ENPP6: variants seen among roughly 807,000 people sequenced by gnomAD.
ENPP6 encodes ectonucleotide pyrophosphatase/phosphodiesterase 6.
Under a neutral mutation model 42.0 loss-of-function variants are expected in ENPP6, and 32 were observed. That is an observed-to-expected ratio of 0.76 (90% confidence interval 0.58 to 1.02). ENPP6 has a LOEUF of 1.02. Ranked by LOEUF, ENPP6 falls within the 50% of genes least tolerant of loss-of-function variation. The pLI is 0.00. For missense variants in ENPP6, 552 were observed against 566.8 expected (o/e 0.97, Z 0.27); for synonymous variants, 213 against 216.0 (o/e 0.99, Z 0.12).
At position 184,217,638 on chromosome 4, in the gene ENPP6, T is replaced by C. The variant is rs776393959; in HGVS notation, c.182A>G (p.Asp61Gly). The C allele has an allele frequency of 6.2e-7, 1 of 1,614,178 alleles. No individual in the cohort carries two copies. Among genetic ancestry groups the C allele is most frequent in the Non-Finnish European group, 8.5e-7 (1 of 1,180,030 alleles). Residue 61 changes from aspartate to glycine, a missense_variant, in exon 1 of 8, where the codon GAT (aspartate) becomes GGT (glycine). Physicochemically the swap from Asp to Gly is moderately conservative, Grantham distance 94. Coordinates refer to ENST00000296741, the MANE Select transcript of ENPP6 (RefSeq NM_153343.4). ...ACTAGGGAAGTCTGGAGTCAAGTAA[T>C]CCACTTTTACTCCCCTGCTCACAAT... ...KEIVSRGVKV[D>G]YLTPDFPSLS...
chr4:184,107,667 G>A (rs1221942898), intron 6 of ENPP6, among the ~76,000 whole-genome samples: 1 of 152,202 alleles, frequency 6.6e-6, no homozygotes, highest in Non-Finnish European at 1.5e-5. Flanking sequence ...TGTAATCCCA[G>A]CACTTTGGGA....
At chr4:184,180,504 T>C (rs1351847724) in intron 1 of ENPP6, among the ~76,000 whole-genome samples, 1 of 152,178 alleles carries the variant, frequency 6.6e-6, no homozygotes, top group Non-Finnish European at 1.5e-5. Flanking sequence ...CCCTAACTCA[T>C]TTTATGAGGC....
chr4:184,207,749 C>G (rs911931975), intron 1 of ENPP6, among the ~76,000 whole-genome samples: 2 of 152,204 alleles, frequency 1.3e-5, no homozygotes, highest in Non-Finnish European at 2.9e-5. Flanking sequence ...GGCCCTACTC[C>G]CTATTCTCTG....
chr4:184,132,828 CACACACATATATAT>C (rs936274804), intron 2 of ENPP6, among the ~76,000 whole-genome samples: 88 of 14,666 alleles, frequency 6.0e-3, no homozygotes, highest in African/African-American at 0.013. Flanking sequence ...TACACACACA[CACACACATATATAT>C]ATATATATAT....
chr4:184,182,831 G>A (rs1461503486), intron 1 of ENPP6, among the ~76,000 whole-genome samples: 1 of 152,152 alleles, frequency 6.6e-6, no homozygotes, highest in African/African-American at 2.4e-5. Context: ...CACAGGGAGG[G>A]GAACAACACA....
chr4:184,118,003 C>A (rs1378743582), intron 3 of ENPP6, 103 bp from the exon 4 acceptor site: 3 of 1,428,524 alleles, frequency 2.1e-6, no homozygotes, highest in East Asian at 2.5e-5. Context: ...CCCCCCGAAA[C>A]CTTGTCCCTG....
chr4:184,177,193 G>C (rs1017876428), intron 1 of ENPP6, among the ~76,000 whole-genome samples: 1 of 152,196 alleles, frequency 6.6e-6, no homozygotes, highest in African/African-American at 2.4e-5. Flanking sequence ...GGGAAACTGG[G>C]TGGTTTGGAC....
At chr4:184,123,589 G>C (rs528964241) in intron 3 of ENPP6, among the ~76,000 whole-genome samples, 1 of 152,224 alleles carries the variant, frequency 6.6e-6, no homozygotes, top group East Asian at 1.9e-4. Flanking sequence ...CTGACTTCAG[G>C]CTTTGTCCTG....
At chr4:184,093,571 G>A (rs1396120910) in intron 7 of ENPP6, among the ~76,000 whole-genome samples, 4 of 151,264 alleles carry the variant, frequency 2.6e-5, no homozygotes, top group East Asian at 1.9e-4. Context: ...TCCAGGAGGC[G>A]GAGGTTGCAG....
At chr4:184,107,416 G>A (rs1170309466) in intron 6 of ENPP6, among the ~76,000 whole-genome samples, 3 of 152,208 alleles carry the variant, frequency 2.0e-5, no homozygotes, top group Admixed American at 6.5e-5. Flanking sequence ...GACTGACAGC[G>A]GTTGGAAATC....
At chr4:184,116,148 G>A (rs562439779) in intron 5 of ENPP6, among the ~76,000 whole-genome samples, 7 of 152,236 alleles carry the variant, frequency 4.6e-5, no homozygotes, top group South Asian at 4.1e-4. Context: ...GCATGAACCC[G>A]GGAGGCAAAG....
chr4:184,131,156 T>TC (rs1736607762), intron 2 of ENPP6, among the ~76,000 whole-genome samples: 2 of 51,350 alleles, frequency 3.9e-5, no homozygotes, highest in South Asian at 1.5e-3. Context: ...TTTCTTTCTT[T>TC]CTTTCTTTCT....
intron 2 of ENPP6, among the ~76,000 whole-genome samples, chr4:184,147,800 C>CAAA (rs5864876): frequency 2.1e-5 from 3 of 143,870 alleles, no homozygotes; most frequent in Admixed American, 6.9e-5. Flanking sequence ...GACCCTGTTT[C>CAAA]AAAAAAAAAA....
chr4:184,095,754 T>C (rs745532204), intron 7 of ENPP6, among the ~76,000 whole-genome samples: 3 of 151,972 alleles, frequency 2.0e-5, no homozygotes, highest in Non-Finnish European at 4.4e-5. Flanking sequence ...GCATTCATGA[T>C]CCTATTTCCC....
intron 2 of ENPP6, among the ~76,000 whole-genome samples, chr4:184,131,260 C>CTCTTTCTTTCT (rs1560987499): frequency 0.052 from 387 of 7,462 alleles, 20 homozygotes; most frequent in Middle Eastern, 0.062. Context: ...TTCTCTTTCT[C>CTCTTTCTTTCT]TTCCTTCCTT....
chr4:184,097,170 T>G, intron 7 of ENPP6, 75 bp downstream of exon 7: 1 of 1,591,904 alleles, frequency 6.3e-7, no homozygotes, highest in South Asian at 1.1e-5. Flanking sequence ...CAGCCTCTCC[T>G]GGCACCCGTA....
chr4:184,208,295 G>T (rs920297713), intron 1 of ENPP6, among the ~76,000 whole-genome samples: 6 of 152,202 alleles, frequency 3.9e-5, no homozygotes, highest in Non-Finnish European at 8.8e-5. Flanking sequence ...CGATGCAGAA[G>T]ATGGGTGATT....
intron 6 of ENPP6, 111 bp downstream of exon 6, chr4:184,112,561 G>A (rs1269769134): frequency 3.0e-6 from 4 of 1,314,160 alleles, no homozygotes; most frequent in Non-Finnish European, 4.1e-6. Flanking sequence ...AACAAACGAT[G>A]CCTAAGTGAA....
intron 6 of ENPP6, among the ~76,000 whole-genome samples, chr4:184,101,639 T>C (rs1477164105): frequency 6.6e-6 from 1 of 152,028 alleles, no homozygotes; most frequent in Non-Finnish European, 1.5e-5. Flanking sequence ...CTGAGAGGGT[T>C]TCAGGGATGC....
Sources: gnomAD v4.1 joint callset for allele counts (sites outside exome capture counted in the v4.1 genomes callset) on GRCh38, gnomAD v4.1.1 for gene constraint, MANE v1.5 for transcripts, NCBI Gene and HGNC (gene_info 2026-07-23, HGNC 2026-07-21) for gene names.